SHISA6: variants seen among roughly 807,000 people sequenced by gnomAD.
SHISA6 encodes the protein protein shisa-6.
SHISA6 carries 22 observed loss-of-function variants against 47.9 expected under a neutral mutation model. That is an observed-to-expected ratio of 0.46 (90% confidence interval 0.33 to 0.66). The LOEUF is 0.66. Ranked by LOEUF, SHISA6 falls within the 30% of genes least tolerant of loss-of-function variation. The probability of loss-of-function intolerance (pLI) is 0.02; values close to 1 mark genes in which losing one functional copy is unlikely to be tolerated. For missense variants in SHISA6, 680 were observed against 764.6 expected (o/e 0.89, Z 1.30); for synonymous variants, 388 against 337.8 (o/e 1.15, Z -1.63).
intron 3 of SHISA6, among the ~76,000 whole-genome samples, chr17:11,525,635 A>AAAC: frequency 1.2e-5 from 1 of 81,456 alleles, no homozygotes; most frequent in African/African-American, 5.6e-5. Context: ...CCGTCTCAAA[A>AAAC]AAAAAAAAAA....
At chr17:11,260,987 A>C (rs547446929) in intron 1 of SHISA6, among the ~76,000 whole-genome samples, 7 of 152,042 alleles carry the variant, frequency 4.6e-5, no homozygotes, top group Non-Finnish European at 1.0e-4. Flanking sequence ...TCAGGCCTTA[A>C]CCCATTTCCT....
intron 1 of SHISA6, among the ~76,000 whole-genome samples, chr17:11,248,567 A>G (rs1907678875): frequency 6.6e-6 from 1 of 152,212 alleles, no homozygotes; most frequent in Non-Finnish European, 1.5e-5. Flanking sequence ...GATGTGAGTT[A>G]CAGCCTTCTC....
intron 2 of SHISA6, among the ~76,000 whole-genome samples, chr17:11,321,464 A>G (rs1294630764): frequency 6.6e-6 from 1 of 152,192 alleles, no homozygotes; most frequent in South Asian, 2.1e-4. Context: ...ACGGTAGATT[A>G]TTTGCATCTT....
intron 3 of SHISA6, among the ~76,000 whole-genome samples, chr17:11,515,313 AAAGG>A (rs200856515): frequency 0.25 from 32,922 of 130,608 alleles, 4,284 homozygotes; most frequent in Admixed American, 0.31. Flanking sequence ...GAAGAAAGAA[AAAGG>A]AAGGAAGGAA....
chr17:11,244,997 T>C (rs1309923505), intron 1 of SHISA6, among the ~76,000 whole-genome samples: 1 of 152,188 alleles, frequency 6.6e-6, no homozygotes, highest in African/African-American at 2.4e-5. Context: ...CGCCTGCCCA[T>C]GCACACACAT....
intron 2 of SHISA6, among the ~76,000 whole-genome samples, chr17:11,340,041 A>G (rs1026651424): frequency 6.6e-6 from 1 of 152,220 alleles, no homozygotes; most frequent in Admixed American, 6.5e-5. Context: ...TGCTTAAGCA[A>G]TGAAACTGGC....
At chr17:11,341,316 TTCTC>T (rs200611442) in intron 2 of SHISA6, among the ~76,000 whole-genome samples, 2,121 of 147,624 alleles carry the variant, frequency 0.014, 33 homozygotes, top group Non-Finnish European at 0.023. Context: ...ATCCCATTCT[TTCTC>T]TCTCTCTCTT....
intron 3 of SHISA6, among the ~76,000 whole-genome samples, chr17:11,454,236 C>G (rs989900371): frequency 1.3e-5 from 2 of 152,140 alleles, no homozygotes; most frequent in Non-Finnish European, 2.9e-5. Flanking sequence ...ACTATAGCTT[C>G]CAATGCTCCC....
intron 2 of SHISA6, among the ~76,000 whole-genome samples, chr17:11,337,844 G>A (rs562114081): frequency 2.0e-5 from 3 of 152,258 alleles, no homozygotes; most frequent in South Asian, 2.1e-4. Context: ...AAAACCACCC[G>A]ATGTGTAATA....
chr17:11,556,192 C>T lies in SHISA6; in HGVS notation c.1105+300C>T, dbSNP rs181905573. 2.6e-3 allele frequency among the ~76,000 whole-genome samples: 402 copies of T among 152,286 alleles called. 2 individuals are homozygous for T. Among genetic ancestry groups the T allele is most frequent in the African/African-American group, 9.2e-3 (382 of 41,542 alleles). Reference sequence around the variant, plus strand: ...GGGAGAAAGCCTTCTCCCAGTCCCGCACGCAACTGCCTTCTTCAAACCATG... The same window carrying T: ...GGGAGAAAGCCTTCTCCCAGTCCCGTACGCAACTGCCTTCTTCAAACCATG... On this transcript the variant is annotated intron_variant, in intron 5 of 5. Transcript: ENST00000441885.
intron 3 of SHISA6, among the ~76,000 whole-genome samples, chr17:11,506,876 G>A (rs1453376513): frequency 6.6e-6 from 1 of 152,182 alleles, no homozygotes; most frequent in Non-Finnish European, 1.5e-5. Context: ...ATTATGTAGG[G>A]AGATTGACAG....
intron 3 of SHISA6, among the ~76,000 whole-genome samples, chr17:11,507,557 TA>T (rs2071509753): frequency 6.6e-6 from 1 of 152,162 alleles, no homozygotes; most frequent in Non-Finnish European, 1.5e-5. Context: ...CACCCTGCAT[TA>T]AACAGATGTA....
chr17:11,463,372 T>A (rs933626044), intron 3 of SHISA6, among the ~76,000 whole-genome samples: 16 of 152,178 alleles, frequency 1.1e-4, no homozygotes, highest in African/African-American at 3.6e-4. Context: ...GTAAAAACCT[T>A]TTATGAATCT....
At chr17:11,467,119 A>G (rs1915827819) in intron 3 of SHISA6, among the ~76,000 whole-genome samples, 1 of 152,190 alleles carries the variant, frequency 6.6e-6, no homozygotes, top group Non-Finnish European at 1.5e-5. Flanking sequence ...ATCAAGATGT[A>G]TTTATTCACA....
chr17:11,264,632 C>T (rs7215155), intron 2 of SHISA6, among the ~76,000 whole-genome samples: 6,661 of 152,246 alleles, frequency 0.044, 386 homozygotes, highest in African/African-American at 0.13. Flanking sequence ...TATTGCTCAA[C>T]AGTTTTCAGA....
Position 11,241,735 on chromosome 17 carries a change from G to C in SHISA6, c.313G>C (p.Asp105His). ...WGYYDVSGQYDKEFECNNSES... is the reference protein window; with the variant it reads ...WGYYDVSGQYHKEFECNNSES... ...CTACTACGACGTGAGCGGCCAGTAC[G>C]ACAAGGAGTTCGAGTGTAACAACAG... The change falls in exon 1 of 6, where the codon GAC (aspartate) becomes CAC (histidine). Residue 105 changes from aspartate (D) to histidine (H), a missense_variant. By Grantham distance (81) the Asp-to-His change is moderately conservative. This residue lies in a region of SHISA6 where 559 missense variants were observed against 674.1 expected (regional missense o/e 0.83). Transcript: ENST00000441885. The surrounding 1 kb of genome is among the most constrained non-coding windows in gnomAD (Gnocchi z 5.5). The C allele has an allele frequency of 6.5e-7, 1 of 1,543,880 alleles. No homozygotes were observed. The highest frequency in any genetic ancestry group is 8.7e-7 in the Non-Finnish European group (1 of 1,146,878).
intron 1 of SHISA6, among the ~76,000 whole-genome samples, chr17:11,255,540 C>T (rs2142140260): frequency 6.6e-6 from 1 of 152,300 alleles, no homozygotes; most frequent in South Asian, 2.1e-4. Context: ...TCTTTGCAGG[C>T]TAGTGGAAGC....
chr17:11,547,333 G>C (rs1370233971), intron 3 of SHISA6, among the ~76,000 whole-genome samples: 1 of 152,192 alleles, frequency 6.6e-6, no homozygotes, highest in African/African-American at 2.4e-5. Flanking sequence ...GGAAATCTCA[G>C]TAAGTTCCAA....
chr17:11,493,490 G>A (rs2071382781), intron 3 of SHISA6, among the ~76,000 whole-genome samples: 1 of 152,184 alleles, frequency 6.6e-6, no homozygotes, highest in Admixed American at 6.5e-5. Context: ...ACCTCCCAAA[G>A]CTCTGGGATT....
Sources: gnomAD v4.1 joint callset for allele counts (sites outside exome capture counted in the v4.1 genomes callset) on GRCh38, gnomAD v4.1.1 for gene constraint, gnomAD v4.1.1 regional missense constraint, Gnocchi (gnomAD v3.1) non-coding constraint, MANE v1.5 for transcripts, NCBI Gene and HGNC (gene_info 2026-07-23, HGNC 2026-07-21) for gene names.